NCKAP5: variants seen among roughly 807,000 people sequenced by gnomAD.
NCKAP5 encodes the protein NCK associated protein 5.
Under a neutral mutation model 167.0 loss-of-function variants are expected in NCKAP5, and 92 were observed. The ratio of observed to expected loss-of-function variants is 0.55; its 90% CI spans 0.47 to 0.66. The LOEUF (loss-of-function observed/expected upper bound fraction) is 0.66, where lower values mean the gene tolerates loss of function less well. Ranked by LOEUF, NCKAP5 falls within the 30% of genes least tolerant of loss-of-function variation. NCKAP5 has a pLI of 0.00. For synonymous variants in NCKAP5, 891 were observed against 877.4 expected (o/e 1.02, Z -0.27); for missense variants, 2,378 against 2,315.0 (o/e 1.03, Z -0.56).
intron 3 of NCKAP5, among the ~76,000 whole-genome samples, chr2:133,443,317 C>T (rs1410018516): frequency 2.0e-5 from 3 of 152,236 alleles, no homozygotes; most frequent in Admixed American, 6.5e-5. Flanking sequence ...GCCTTTGCTC[C>T]GGATAGTTCT....
chr2:133,481,287 C>G (rs1466337860), intron 3 of NCKAP5, among the ~76,000 whole-genome samples: 1 of 152,156 alleles, frequency 6.6e-6, no homozygotes, highest in African/African-American at 2.4e-5. Context: ...CCCAGCATTT[C>G]CTTCATAACC....
chr2:133,537,382 A>G (rs902888944), intron 2 of NCKAP5, among the ~76,000 whole-genome samples: 20 of 152,232 alleles, frequency 1.3e-4, no homozygotes, highest in African/African-American at 1.7e-4. Flanking sequence ...TTGTAGATCA[A>G]TCTGGGGAGT....
chr2:133,637,069 A>T, the NCKAP5 span, among the ~76,000 whole-genome samples: 1 of 146,294 alleles, frequency 6.8e-6, no homozygotes, highest in Non-Finnish European at 1.5e-5. Flanking sequence ...TAATACTTAA[A>T]GTATACTTAA....
the NCKAP5 span, among the ~76,000 whole-genome samples, chr2:133,674,229 G>A: frequency 2.0e-5 from 2 of 98,060 alleles, no homozygotes; most frequent in Non-Finnish European, 4.2e-5. Context: ...TATTAACCCA[G>A]GAAGAGGGAA....
chr2:133,315,688 T>A (rs987227800), intron 3 of NCKAP5, among the ~76,000 whole-genome samples: 1 of 150,670 alleles, frequency 6.6e-6, no homozygotes, highest in Non-Finnish European at 1.5e-5. Flanking sequence ...GGAGAAGGTG[T>A]TCTAAGAAGA....
chr2:133,178,565 C>G (rs1377809589), intron 5 of NCKAP5, among the ~76,000 whole-genome samples: 4 of 143,366 alleles, frequency 2.8e-5, no homozygotes, highest in African/African-American at 1.0e-4. Flanking sequence ...TTGGCTCACG[C>G]CTGTAATCCC....
chr2:133,242,139 A>AG (rs2087739361), intron 4 of NCKAP5, among the ~76,000 whole-genome samples: 1 of 151,132 alleles, frequency 6.6e-6, no homozygotes, highest in African/African-American at 2.4e-5. Context: ...AAAAAAAAAA[A>AG]AAGCAAAAAT....
chr2:132,830,046 C>G (rs1424910025), intron 11 of NCKAP5, among the ~76,000 whole-genome samples: 7 of 152,130 alleles, frequency 4.6e-5, no homozygotes, highest in Admixed American at 6.6e-5. Context: ...TGATAAAACA[C>G]AAGCTTTCTG....
intron 3 of NCKAP5, among the ~76,000 whole-genome samples, chr2:133,332,803 G>C (rs1486247956): frequency 6.6e-6 from 1 of 152,228 alleles, no homozygotes; most frequent in African/African-American, 2.4e-5. Flanking sequence ...TCACCTCACA[G>C]ATGGGTGACC....
chr2:132,864,886 A>T (rs1166803980), intron 10 of NCKAP5, among the ~76,000 whole-genome samples: 3 of 152,152 alleles, frequency 2.0e-5, no homozygotes, highest in Non-Finnish European at 4.4e-5. Context: ...AGGGCCTTGA[A>T]GTGATTGCTT....
intron 8 of NCKAP5, among the ~76,000 whole-genome samples, chr2:132,902,113 ATTT>A (rs1693674783): frequency 1.3e-5 from 2 of 152,234 alleles, no homozygotes; most frequent in Non-Finnish European, 2.9e-5. Flanking sequence ...AATAAACCCG[ATTT>A]TACAGCACCA....
chr2:132,673,435 ATCT>A (rs1242053863), intron 19 of NCKAP5, 130 bp from the exon 20 acceptor site: 21 of 672,242 alleles, frequency 3.1e-5, no homozygotes, highest in Admixed American at 1.3e-4. Context: ...GTCTTTAATA[ATCT>A]TCTAGTATAA....
chr2:133,547,117 G>T (rs1014227370), intron 2 of NCKAP5, among the ~76,000 whole-genome samples: 4 of 152,194 alleles, frequency 2.6e-5, no homozygotes, highest in Admixed American at 1.3e-4. Context: ...AAGGGGTGAC[G>T]GACGCACCTG....
intron 4 of NCKAP5, among the ~76,000 whole-genome samples, chr2:133,273,738 A>G (rs2089611100): frequency 6.6e-6 from 1 of 151,972 alleles, no homozygotes. Flanking sequence ...TGGTGTTACT[A>G]AATAAGATTT....
At chr2:133,322,258 G>A (rs1010445103) in intron 3 of NCKAP5, among the ~76,000 whole-genome samples, 5 of 151,984 alleles carry the variant, frequency 3.3e-5, no homozygotes, top group Admixed American at 6.5e-5. Context: ...AAACATCACC[G>A]TTAGCCTAGG....
At chr2:132,759,890 A>T (rs138839602) in intron 16 of NCKAP5, among the ~76,000 whole-genome samples, 1,504 of 150,216 alleles carry the variant, frequency 0.01, 31 homozygotes, top group African/African-American at 0.035. Context: ...CTTTTTTTTC[A>T]TGTTTTCTTT....
At chr2:133,027,199 G>A (rs565219638) in intron 6 of NCKAP5, among the ~76,000 whole-genome samples, 4 of 152,240 alleles carry the variant, frequency 2.6e-5, no homozygotes, top group Admixed American at 2.0e-4. Flanking sequence ...AAGCGTCAAG[G>A]TCTGATGGTT....
intron 19 of NCKAP5, among the ~76,000 whole-genome samples, chr2:132,709,797 T>G (rs1160088850): frequency 6.6e-6 from 1 of 152,124 alleles, no homozygotes; most frequent in Non-Finnish European, 1.5e-5. Flanking sequence ...TTATACAACT[T>G]ATAAAGAACT....
chr2:133,213,882 C>T, intron 4 of NCKAP5, 103 bp from the exon 5 acceptor site: 1 of 1,042,172 alleles, frequency 9.6e-7, no homozygotes, highest in Non-Finnish European at 1.5e-6. Flanking sequence ...GAATTCCTTC[C>T]TTGGTTTAGC....
Sources: allele counts gnomAD v4.1 joint callset (sites outside exome capture counted in the v4.1 genomes callset), GRCh38; gene constraint gnomAD v4.1.1; transcripts MANE v1.5; gene names NCBI Gene and HGNC (gene_info 2026-07-23, HGNC 2026-07-21).